ZDHHC17: variants seen among roughly 807,000 people sequenced by gnomAD.
ZDHHC17 encodes the protein zDHHC palmitoyltransferase 17.
In ZDHHC17, 40 loss-of-function variants were observed where a neutral mutation model predicts 90.3. The observed-to-expected ratio is 0.44, with a 90% CI of 0.34 to 0.58. The LOEUF (loss-of-function observed/expected upper bound fraction) is 0.58. Ranked by LOEUF, ZDHHC17 falls within the 20% of genes least tolerant of loss-of-function variation. The pLI is 0.01. For missense variants in ZDHHC17, 614 were observed against 780.8 expected (o/e 0.79, Z 2.55); for synonymous variants, 235 against 252.4 (o/e 0.93, Z 0.65).
intron 2 of ZDHHC17, among the ~76,000 whole-genome samples, chr12:76,801,896 G>A (rs370132999): frequency 2.0e-5 from 3 of 152,050 alleles, no homozygotes; most frequent in East Asian, 1.9e-4. Flanking sequence ...TAGACACACA[G>A]ACCAAAATTA....
chr12:76,801,031 G>T (rs1473249776), intron 2 of ZDHHC17, among the ~76,000 whole-genome samples: 2 of 151,424 alleles, frequency 1.3e-5, no homozygotes, highest in Admixed American at 1.3e-4. Context: ...GGGATTTCAG[G>T]CATGCACCAC....
At chr12:76,790,881 G>A (rs1952751907) in intron 1 of ZDHHC17, among the ~76,000 whole-genome samples, 1 of 151,566 alleles carries the variant, frequency 6.6e-6, no homozygotes, top group African/African-American at 2.4e-5. Flanking sequence ...CTAGTTAGGA[G>A]GAATAAGTCC....
chr12:76,786,518 A>G (rs954612809), intron 1 of ZDHHC17, among the ~76,000 whole-genome samples: 1 of 151,980 alleles, frequency 6.6e-6, no homozygotes, highest in Non-Finnish European at 1.5e-5. Context: ...GGCCTCCCAA[A>G]GTGCTGGGAT....
chr12:76,827,778 A>G (rs990818679), intron 9 of ZDHHC17, among the ~76,000 whole-genome samples: 5 of 152,146 alleles, frequency 3.3e-5, no homozygotes, highest in African/African-American at 4.8e-5. Flanking sequence ...TAGTATTTCT[A>G]GAGTCTCCAA....
intron 3 of ZDHHC17, among the ~76,000 whole-genome samples, chr12:76,806,315 G>A (rs756876147): frequency 4.0e-5 from 6 of 151,756 alleles, no homozygotes; most frequent in Non-Finnish European, 8.8e-5. Flanking sequence ...TTTTGTTCTC[G>A]TTGCCCAGGC....
At chr12:76,827,487 A>G (rs938012232) in intron 9 of ZDHHC17, among the ~76,000 whole-genome samples, 12 of 152,174 alleles carry the variant, frequency 7.9e-5, no homozygotes, top group African/African-American at 2.7e-4. Flanking sequence ...ATAGTTGTGA[A>G]GTCGGCTGAG....
chr12:76,818,380 C>G (rs557265794), intron 7 of ZDHHC17, among the ~76,000 whole-genome samples: 2 of 152,208 alleles, frequency 1.3e-5, no homozygotes, highest in East Asian at 3.9e-4. Context: ...TCAGCAAATT[C>G]TTATTCAATG....
At chr12:76,824,549 T>G (rs1190852992) in intron 8 of ZDHHC17, among the ~76,000 whole-genome samples, 1 of 99,006 alleles carries the variant, frequency 1.0e-5, no homozygotes, top group Non-Finnish European at 2.2e-5. Flanking sequence ...GTGTTTTATA[T>G]TTAAAACTAA....
chr12:76,783,977 G>T, intron 1 of ZDHHC17, among the ~76,000 whole-genome samples: 1 of 152,208 alleles, frequency 6.6e-6, no homozygotes, highest in African/African-American at 2.4e-5. Context: ...GGAGCAGAGT[G>T]TGTGGCCCTA....
At chr12:76,830,783 A>G (rs1043452314) in intron 10 of ZDHHC17, among the ~76,000 whole-genome samples, 11 of 152,212 alleles carry the variant, frequency 7.2e-5, no homozygotes, top group Non-Finnish European at 1.3e-4. Flanking sequence ...TACTCCTATA[A>G]TGTGTAAGTG....
At chr12:76,789,781 A>G (rs1952738218) in intron 1 of ZDHHC17, among the ~76,000 whole-genome samples, 1 of 152,196 alleles carries the variant, frequency 6.6e-6, no homozygotes, top group African/African-American at 2.4e-5. Context: ...GTAATGAGAA[A>G]AACGTCAAAG....
intron 1 of ZDHHC17, among the ~76,000 whole-genome samples, chr12:76,772,944 C>T (rs941316450): frequency 1.3e-5 from 2 of 151,576 alleles, no homozygotes; most frequent in African/African-American, 4.8e-5. Context: ...TGCAACTTCG[C>T]CTCCTGGGTT....
intron 1 of ZDHHC17, among the ~76,000 whole-genome samples, chr12:76,782,894 G>A (rs936661357): frequency 6.6e-6 from 1 of 151,972 alleles, no homozygotes. Flanking sequence ...AGACATCAGG[G>A]GCGGGGGATT....
chr12:76,809,185 A>T (rs1952991082), intron 4 of ZDHHC17, 65 bp downstream of exon 4: 1 of 1,139,518 alleles, frequency 8.8e-7, no homozygotes, highest in African/African-American at 1.6e-5. Flanking sequence ...AAACAACTTT[A>T]AAAAAATGAT....
At chr12:76,788,069 T>C (rs1366138685) in intron 1 of ZDHHC17, among the ~76,000 whole-genome samples, 1 of 152,100 alleles carries the variant, frequency 6.6e-6, no homozygotes, top group African/African-American at 2.4e-5. Flanking sequence ...CTGGGCAACA[T>C]AGTGAGACCC....
chr12:76,829,092 A>G lies in ZDHHC17; in HGVS notation c.1141+602A>G, dbSNP rs1953265269. Among the ~76,000 whole-genome samples the G allele has an allele frequency of 3.3e-5, 5 of 152,304 alleles. No homozygotes were observed. The South Asian group carries it at 1.0e-3, about 32-fold the overall frequency. Reference sequence around the variant, plus strand: ...GATGTCGAGGATGCAGAGAAAAAGGAACGCTGTTGGTGGGAATGTAAATGA... The same window carrying G: ...GATGTCGAGGATGCAGAGAAAAAGGGACGCTGTTGGTGGGAATGTAAATGA... On this transcript the variant is annotated intron_variant, in intron 10 of 16. Coordinates refer to ENST00000426126, the MANE Select transcript of ZDHHC17 (RefSeq NM_015336.4).
intron 10 of ZDHHC17, 90 bp downstream of exon 10, chr12:76,828,580 C>A: frequency 1.9e-6 from 2 of 1,076,196 alleles, no homozygotes; most frequent in Non-Finnish European, 1.4e-6. Flanking sequence ...GACTGATCTA[C>A]TCATTCATAA....
At chr12:76,830,570 T>C (rs1953287890) in intron 10 of ZDHHC17, among the ~76,000 whole-genome samples, 1 of 152,224 alleles carries the variant, frequency 6.6e-6, no homozygotes, top group African/African-American at 2.4e-5. Flanking sequence ...AGAATTGCCA[T>C]ATTGGAACAC....
At chr12:76,779,707 T>G (rs1178450874) in intron 1 of ZDHHC17, among the ~76,000 whole-genome samples, 2 of 152,246 alleles carry the variant, frequency 1.3e-5, no homozygotes, top group Admixed American at 6.5e-5. Context: ...TTTCCTTTTA[T>G]GAATTGTGCT....
Sources: gnomAD v4.1 joint callset for allele counts (sites outside exome capture counted in the v4.1 genomes callset) on GRCh38, gnomAD v4.1.1 for gene constraint, MANE v1.5 for transcripts, NCBI Gene and HGNC (gene_info 2026-07-23, HGNC 2026-07-21) for gene names.